ZCCHC9: variants seen among roughly 807,000 people sequenced by gnomAD.
ZCCHC9 encodes zinc finger CCHC-type containing 9, also known as zinc finger CCHC domain-containing protein 9.
In ZCCHC9, 18 loss-of-function variants were observed where a neutral mutation model predicts 30.8. The ratio of observed to expected loss-of-function variants is 0.58; its 90% CI spans 0.40 to 0.87. The LOEUF (loss-of-function observed/expected upper bound fraction) is 0.87. Ranked by LOEUF, ZCCHC9 falls within the 40% of genes least tolerant of loss-of-function variation. The pLI is 0.00. For synonymous variants in ZCCHC9, 94 were observed against 106.7 expected (o/e 0.88, Z 0.73); for missense variants, 279 against 331.2 (o/e 0.84, Z 1.22).
intron 5 of ZCCHC9, 50 bp from the exon 6 acceptor site, chr5:81,312,494 G>A (rs1334293997): frequency 1.4e-6 from 2 of 1,380,506 alleles, no homozygotes; most frequent in South Asian, 1.2e-5. Flanking sequence ...CTGAGTGGAT[G>A]CATTTGATTA....
In ZCCHC9 at chr5:81,312,803, T is replaced by C; in HGVS notation, c.*141T>C. 2 of 588,928 alleles carry C rather than the reference T, an allele frequency of 3.4e-6. No homozygotes were observed. Among genetic ancestry groups the C allele is most frequent in the South Asian group, 4.7e-5 (2 of 42,880 alleles). The allele number at this position is 588,928 out of a possible 1,614,324, so 36.5% of individuals were successfully genotyped here. ...GATCTGGGTGTGGCCAAAAACAATT[T>C]TCTTTATTCTGTCTATCAAATAGTA... On this transcript the variant is annotated 3_prime_UTR_variant, in exon 6 of 6. Transcript: ENST00000407610.
chr5:81,309,109 T>C, intron 4 of ZCCHC9, 71 bp downstream of exon 4: 1 of 1,140,120 alleles, frequency 8.8e-7, no homozygotes, highest in Non-Finnish European at 1.2e-6. Context: ...TTACACTCAA[T>C]CACAGTTCTT....
chr5:81,307,601 C>T (rs572219043), intron 2 of ZCCHC9, among the ~76,000 whole-genome samples: 14 of 150,666 alleles, frequency 9.3e-5, no homozygotes, highest in East Asian at 5.9e-4. Context: ...TGCAGTGAGC[C>T]GAGATCACGC....
chr5:81,301,988 C>A (rs1308527250), intron 1 of ZCCHC9: 1 of 152,282 alleles, frequency 6.6e-6, no homozygotes, highest in African/African-American at 2.4e-5. Flanking sequence ...GAAGGATAAT[C>A]TACTTCCTTT....
intron 2 of ZCCHC9, among the ~76,000 whole-genome samples, chr5:81,306,597 T>C (rs1412835492): frequency 2.0e-5 from 3 of 152,228 alleles, no homozygotes; most frequent in Admixed American, 2.0e-4. Flanking sequence ...AGGGGAGTGC[T>C]ATATAAATAG....
At position 81,312,832 on chromosome 5, in the gene ZCCHC9, C is replaced by G. The variant is rs1428436841; in HGVS notation, c.*170C>G. ...TTATTCTGTCTATCAAATAGTACTT[C>G]TACCACTGTTTGGAGAAAATTGAAG... is the stretch of plus-strand genomic sequence containing the variant. On this transcript the variant is annotated 3_prime_UTR_variant, in exon 6 of 6. Transcript: ENST00000407610. 4.2e-6 allele frequency: 2 copies of G among 471,594 alleles called. No individual in the cohort carries two copies. The highest frequency in any genetic ancestry group is 7.6e-5 in the Admixed American group (2 of 26,420). 29.2% of individuals were successfully genotyped at this position (471,594 alleles called of 1,614,324 possible).
intron 1 of ZCCHC9, chr5:81,303,757 CAAT>C (rs1406644565): frequency 6.6e-6 from 1 of 152,180 alleles, no homozygotes; most frequent in Non-Finnish European, 1.5e-5. Context: ...GCTACAAAGT[CAAT>C]AGGAATTTTT....
chr5:81,308,184 G>A (rs1758145614), intron 2 of ZCCHC9, among the ~76,000 whole-genome samples: 1 of 151,822 alleles, frequency 6.6e-6, no homozygotes, highest in Non-Finnish European at 1.5e-5. Flanking sequence ...CAAATTTTGA[G>A]TGACAGTTTT....
intron 5 of ZCCHC9, 24 bp from the exon 6 acceptor site, chr5:81,312,520 T>A: frequency 6.4e-7 from 1 of 1,573,174 alleles, no homozygotes; most frequent in Non-Finnish European, 8.7e-7. Flanking sequence ...TTTCTAACAT[T>A]CTGATTTTTC....
intron 5 of ZCCHC9, 133 bp from the exon 6 acceptor site, chr5:81,312,411 C>T (rs1758317436): frequency 1.5e-6 from 1 of 664,284 alleles, no homozygotes; most frequent in African/African-American, 1.8e-5. Context: ...GCTCACTTTC[C>T]TTTAGTGATG....
chr5:81,312,676 TATC>T lies in ZCCHC9; in HGVS notation c.*17_*19del. The stretch of plus-strand genomic sequence containing the variant: ...GTTAATTTTTGATAACAGCTAGCAC[TATC>T]ATGAGTTACTACCTCATTGTTACTT... On this transcript the variant is annotated 3_prime_UTR_variant, in exon 6 of 6. Coordinates refer to ENST00000407610, the MANE Select transcript of ZCCHC9 (RefSeq NM_001131035.2). The T allele has an allele frequency of 6.4e-7, 1 of 1,558,080 alleles. No individual in the cohort carries two copies. The highest frequency in any genetic ancestry group is 2.2e-5 in the East Asian group (1 of 44,566).
At chr5:81,301,905 T>G (rs990944570) in intron 1 of ZCCHC9, 1 of 152,360 alleles carries the variant, frequency 6.6e-6, no homozygotes, top group Admixed American at 6.5e-5. Context: ...AATCCGCCTG[T>G]GGGTGGGCCG....
At chr5:81,311,735 T>C (rs747158384) in intron 5 of ZCCHC9, among the ~76,000 whole-genome samples, 19 of 152,212 alleles carry the variant, frequency 1.2e-4, no homozygotes, top group Non-Finnish European at 2.1e-4. Flanking sequence ...AAATGTGTTA[T>C]CTACACAGTA....
Position 81,312,743 on chromosome 5 carries a change from C to T in ZCCHC9, c.*81C>T, listed in dbSNP as rs897046068. 3.9e-6 allele frequency: 4 copies of T among 1,033,142 alleles called. No homozygotes were observed. In the African/African-American group the frequency reaches 4.7e-5, roughly 12 times the overall value. The allele number at this position is 1,033,142 out of a possible 1,614,324, so 64.0% of individuals were successfully genotyped here. ...CGCTTCACGAGTTAGAGTTGAGCTC[C>T]CCTGTAGCCAGGACTATGCTGTAGA... On this transcript the variant is annotated 3_prime_UTR_variant, in exon 6 of 6. Transcript: ENST00000407610.
At chr5:81,308,059 T>TCTA (rs1224022768) in intron 2 of ZCCHC9, among the ~76,000 whole-genome samples, 1 of 95,768 alleles carries the variant, frequency 1.0e-5, no homozygotes. Flanking sequence ...CTATCTATCT[T>TCTA]ATGGTTTGAA....
chr5:81,310,882 A>C (rs1222409353), intron 4 of ZCCHC9, among the ~76,000 whole-genome samples: 1 of 152,212 alleles, frequency 6.6e-6, no homozygotes, highest in Admixed American at 6.5e-5. Flanking sequence ...CCAAGGGTTC[A>C]CAGACTCTTG....
At position 81,308,712 on chromosome 5, in the gene ZCCHC9, G is replaced by T. The variant is rs755504509; in HGVS notation, c.535+1G>T. The T allele has an allele frequency of 1.2e-6, 2 of 1,601,442 alleles. No individual in the cohort carries two copies. Among genetic ancestry groups the T allele is most frequent in the Non-Finnish European group, 1.7e-6 (2 of 1,176,178 alleles). On this transcript the variant is annotated splice_donor_variant, in intron 3 of 5. Transcript: ENST00000407610. LOFTEE classifies it high-confidence loss of function. ...AAGGCTAAAGTAGACCCGGCTCTTG[G>T]TATGTGTTTCTTTCAGTTTTTTGTT...
At chr5:81,302,232 G>A (rs555743230) in intron 1 of ZCCHC9, 1 of 152,694 alleles carries the variant, frequency 6.5e-6, no homozygotes, top group African/African-American at 2.4e-5. Context: ...AGCACTTTGG[G>A]AGGTCGAGGC....
intron 4 of ZCCHC9, chr5:81,309,288 C>T (rs949452219): frequency 5.6e-6 from 2 of 354,208 alleles, no homozygotes; most frequent in African/African-American, 2.1e-5. Flanking sequence ...ATTTGTGAGA[C>T]TATGTCATAC....
Sources: gnomAD v4.1 joint callset for allele counts (sites outside exome capture counted in the v4.1 genomes callset) on GRCh38, gnomAD v4.1.1 for gene constraint, MANE v1.5 for transcripts, NCBI Gene and HGNC (gene_info 2026-07-23, HGNC 2026-07-21) for gene names.